Variants in UTP25 observed in about 807,000 individuals in gnomAD.
UTP25 encodes UTP25 small subunit processome component.
In UTP25, 50 loss-of-function variants were observed where a neutral mutation model predicts 78.9. The observed-to-expected ratio is 0.63, with a 90% CI of 0.50 to 0.80. The LOEUF (loss-of-function observed/expected upper bound fraction) is 0.80, where lower values mean the gene tolerates loss of function less well. Ranked by LOEUF, UTP25 falls within the 30% of genes least tolerant of loss-of-function variation. The probability of loss-of-function intolerance (pLI) is 0.00; values close to 1 mark genes in which losing one functional copy is unlikely to be tolerated. For missense variants in UTP25, 846 were observed against 911.3 expected (o/e 0.93, Z 0.92); for synonymous variants, 329 against 336.5 (o/e 0.98, Z 0.24).
chr1:209,832,823 G>GA (rs2078110585), intron 3 of UTP25, among the ~76,000 whole-genome samples: 1 of 152,194 alleles, frequency 6.6e-6, no homozygotes. Context: ...GGTGGAGGTT[G>GA]CAGTGAGCCA....
Position 209,833,235 on chromosome 1 carries a change from C to G in UTP25, c.439C>G (p.Pro147Ala). Reference protein sequence around the residue: ...PEGKEDGEEPPGTSQTSPEEF... With the variant: ...PEGKEDGEEPAGTSQTSPEEF... Reference sequence around the variant, plus strand: ...GGGAAAAGAAGATGGGGAAGAGCCACCGGGCACATCACAAACATCCCCCGA... The same window carrying G: ...GGGAAAAGAAGATGGGGAAGAGCCAGCGGGCACATCACAAACATCCCCCGA... Residue 147 changes from proline to alanine, a missense_variant, in exon 4 of 12, where the codon CCG becomes GCG. Transcript: ENST00000491415. 2 of 1,613,966 alleles carry G rather than the reference C, an allele frequency of 1.2e-6. No homozygotes were observed. Among genetic ancestry groups the G allele is most frequent in the Non-Finnish European group, 1.7e-6 (2 of 1,179,946 alleles).
chr1:209,849,183 C>T (rs779611822), intron 11 of UTP25, among the ~76,000 whole-genome samples: 12 of 152,032 alleles, frequency 7.9e-5, no homozygotes, highest in Non-Finnish European at 1.5e-4. Flanking sequence ...CCTTTTTATT[C>T]CAAGCTTTGG....
chr1:209,843,213 T>C, intron 10 of UTP25: 1 of 550,022 alleles, frequency 1.8e-6, no homozygotes, highest in Non-Finnish European at 3.2e-6. Context: ...AGAGTAATTC[T>C]CTGGGATATA....
chr1:209,830,180 T>A, intron 2 of UTP25, 33 bp downstream of exon 2: 1 of 1,596,068 alleles, frequency 6.3e-7, no homozygotes, highest in Admixed American at 1.7e-5. Context: ...TAATAGTTGG[T>A]TTTGGGTTGT....
At chr1:209,849,461 T>C (rs1377715626) in intron 11 of UTP25, among the ~76,000 whole-genome samples, 1 of 151,980 alleles carries the variant, frequency 6.6e-6, no homozygotes, top group African/African-American at 2.4e-5. Flanking sequence ...AACTTTTGCT[T>C]CTACTCACCC....
In UTP25 at chr1:209,836,862, C is replaced by A; in HGVS notation, c.713C>A (p.Pro238His). ...TTTCAGAAGTTGGAAACATTTAAAC[C>A]CCCAAAGGATATTGACTTAAAGTCA... The part of the protein sequence containing the change: ...SKFQKLETFK[P>H]PKDIDLKSLH... The change falls in exon 6 of 12, where the codon CCC (proline) becomes CAC (histidine). Residue 238 changes from proline to histidine, a missense_variant. By Grantham distance (77) the Pro-to-His change is moderately conservative. Transcript: ENST00000491415. 6.2e-7 allele frequency: 1 copy of A among 1,614,014 alleles called. No homozygotes were observed. Among genetic ancestry groups the A allele is most frequent in the Non-Finnish European group, 8.5e-7 (1 of 1,179,990 alleles).
At position 209,851,522 on chromosome 1, in the gene UTP25, A is replaced by C; in HGVS notation, c.*75A>C. Reference sequence around the variant, plus strand: ...TCTATGCCATTTGGACCCAATTCTGATTACTTACAGAAGAAGGACTGATAC... The same window carrying C: ...TCTATGCCATTTGGACCCAATTCTGCTTACTTACAGAAGAAGGACTGATAC... On this transcript the variant is annotated 3_prime_UTR_variant, in exon 12 of 12. Transcript: ENST00000491415. The C allele has an allele frequency of 2.7e-6, 4 of 1,497,080 alleles. No individual in the cohort carries two copies. In the Admixed American group the frequency reaches 9.2e-5, roughly 34 times the overall value. 92.7% of individuals were successfully genotyped at this position (1,497,080 alleles called of 1,614,324 possible). A position where few individuals can be genotyped will look rare whatever the true frequency, so the allele number is the denominator to read the frequency against.
In UTP25 at chr1:209,852,881, C is replaced by G. The variant is rs1265744504; in HGVS notation, c.*1434C>G. On this transcript the variant is annotated 3_prime_UTR_variant, in exon 12 of 12. Transcript: ENST00000491415. Reference sequence around the variant, plus strand: ...ATATATTGAAAACCATGAATTCACACCAGTACCTCCAATTCTAGTCCAACA... The same window carrying G: ...ATATATTGAAAACCATGAATTCACAGCAGTACCTCCAATTCTAGTCCAACA... 2 of 152,172 alleles carry G rather than the reference C, an allele frequency of 1.3e-5. No individual in the cohort carries two copies. Among genetic ancestry groups the G allele is most frequent in the African/African-American group, 4.8e-5 (2 of 41,420 alleles). The allele number at this position is 152,172 out of a possible 1,614,324, so 9.4% of individuals were successfully genotyped here. A position where few individuals can be genotyped will look rare whatever the true frequency, so the allele number is the denominator to read the frequency against.
Position 209,840,923 on chromosome 1 carries a change from C to T in UTP25, c.1353C>T (p.Ser451=). The T allele has an allele frequency of 1.2e-6, 2 of 1,613,884 alleles. No homozygotes were observed. Among genetic ancestry groups the T allele is most frequent in the Non-Finnish European group, 1.7e-6 (2 of 1,179,970 alleles). ...PFYSSDILIA[S]PLGLRTIIGG... is the part of the protein sequence containing the mutation. Reference sequence around the variant, plus strand: ...ACTCCTCGGATATCCTCATTGCTTCCCCCCTGGGCTTGAGGACCATCATTG... The same window carrying T: ...ACTCCTCGGATATCCTCATTGCTTCTCCCCTGGGCTTGAGGACCATCATTG... Residue 451 remains serine (S), a synonymous_variant, in exon 8 of 12, where the codon TCC becomes TCT. Transcript: ENST00000491415.
At chr1:209,842,190 C>T (rs942458023) in intron 8 of UTP25, 75 bp from the exon 9 acceptor site, 35 of 1,465,406 alleles carry the variant, frequency 2.4e-5, no homozygotes, top group African/African-American at 7.1e-5. Flanking sequence ...TTGATAGACT[C>T]GGAAAATGTT....
chr1:209,834,715 G>A (rs994423854), intron 4 of UTP25, among the ~76,000 whole-genome samples: 3 of 152,098 alleles, frequency 2.0e-5, no homozygotes, highest in African/African-American at 7.2e-5. Context: ...AAGTGAAGGA[G>A]AGGCTGGAAT....
intron 11 of UTP25, chr1:209,844,632 CAAAAA>C (rs66685915): frequency 4.5e-5 from 4 of 89,732 alleles, no homozygotes; most frequent in Admixed American, 1.2e-4. Context: ...AACTCCATCT[CAAAAA>C]AAAAAAAAAA....
intron 11 of UTP25, among the ~76,000 whole-genome samples, chr1:209,846,163 T>C (rs1403139267): frequency 6.6e-6 from 1 of 152,066 alleles, no homozygotes; most frequent in African/African-American, 2.4e-5. Context: ...GGCCAGAAAA[T>C]GTACATGTAT....
In UTP25 at chr1:209,854,482, T is replaced by C. The variant is rs1325286233; in HGVS notation, c.*3035T>C. 6.6e-6 allele frequency: 1 copy of C among 152,186 alleles called. No homozygotes were observed. Among genetic ancestry groups the C allele is most frequent in the African/African-American group, 2.4e-5 (1 of 41,440 alleles). 9.4% of individuals were successfully genotyped at this position (152,186 alleles called of 1,614,324 possible). A position where few individuals can be genotyped will look rare whatever the true frequency, so the allele number is the denominator to read the frequency against. On this transcript the variant is annotated 3_prime_UTR_variant, in exon 12 of 12. Transcript: ENST00000491415. ...GCTTATAATTGAGCACAGATGGTCC[T>C]AGTGGAGATGGGGAATGTGTCCCTG...
At chr1:209,830,295 G>C (rs2078095362) in intron 2 of UTP25, 148 bp downstream of exon 2, 1 of 717,980 alleles carries the variant, frequency 1.4e-6, no homozygotes, top group Admixed American at 3.1e-5. Flanking sequence ...TTTAAATGCA[G>C]ATGTCTATAA....
chr1:209,842,622 C>T lies in UTP25; in HGVS notation c.1708C>T (p.His570Tyr), dbSNP rs1431450183. 3 of 1,613,774 alleles carry T rather than the reference C, an allele frequency of 1.9e-6. No individual in the cohort carries two copies. Among genetic ancestry groups the T allele is most frequent in the Admixed American group, 1.7e-5 (1 of 59,960 alleles). ...RNVPMTGSIS[H>Y]VLVQLPHVFQ... ...TGTCCCAATGACAGGCTCTATCAGT[C>T]ATGTCCTGGTGCAGCTCCCACATGT... The change falls in exon 10 of 12, where the codon CAT (histidine) becomes TAT (tyrosine). Residue 570 changes from histidine to tyrosine, a missense_variant. Coordinates refer to ENST00000491415, the MANE Select transcript of UTP25 (RefSeq NM_014388.7).
In UTP25 at chr1:209,837,350, G is replaced by A. The variant is rs571814599; in HGVS notation, c.1062+139G>A. The A allele has an allele frequency of 1.0e-5, 10 of 981,560 alleles. No homozygotes were observed. In the South Asian group the frequency reaches 1.4e-4, roughly 14 times the overall value. The allele number at this position is 981,560 out of a possible 1,614,324, so 60.8% of individuals were successfully genotyped here. On this transcript the variant is annotated intron_variant, in intron 6 of 11. Transcript: ENST00000491415. ...ATGAGCCCAAATGTGAGCATATTAA[G>A]TAGGCCAGGTAGTGTCAGAGCAGCA...
rs1425131709 is a variant in UTP25, at chr1:209,855,563, TTC to T, written c.*4119_*4120del. On this transcript the variant is annotated 3_prime_UTR_variant, in exon 12 of 12. Coordinates refer to ENST00000491415, the MANE Select transcript of UTP25 (RefSeq NM_014388.7). ...TGCTTTGCACAGAGAAATCTAATCTTTCTCCTGCTGGGCAGCTCAGTACAGAT... is the reference window on the plus strand; with the variant it reads ...TGCTTTGCACAGAGAAATCTAATCTTTCCTGCTGGGCAGCTCAGTACAGAT... 6.6e-6 allele frequency: 1 copy of T among 152,306 alleles called. No individual in the cohort carries two copies. Among genetic ancestry groups the T allele is most frequent in the Admixed American group, 6.5e-5 (1 of 15,278 alleles). 9.4% of individuals were successfully genotyped at this position (152,306 alleles called of 1,614,324 possible). A position where few individuals can be genotyped will look rare whatever the true frequency, so the allele number is the denominator to read the frequency against.
rs1203778154 is a variant in UTP25, at chr1:209,850,441, C to G, written c.2028-763C>G. Among the ~76,000 whole-genome samples, 4 of 152,214 alleles carry G rather than the reference C, an allele frequency of 2.6e-5. No homozygotes were observed. The East Asian group carries it at 7.7e-4, about 29-fold the overall frequency. On this transcript the variant is annotated intron_variant, in intron 11 of 11. Transcript: ENST00000491415. ...AAATAAAATCCCCAAGGGAGTCTAACGTCTTCAGTGTATGAGAGAAACTTA... is the reference window on the plus strand; with the variant it reads ...AAATAAAATCCCCAAGGGAGTCTAAGGTCTTCAGTGTATGAGAGAAACTTA...
Sources: allele counts gnomAD v4.1 joint callset (sites outside exome capture counted in the v4.1 genomes callset), GRCh38; gene constraint gnomAD v4.1.1; transcripts MANE v1.5; gene names NCBI Gene and HGNC (gene_info 2026-07-23, HGNC 2026-07-21).